The following KCNQ1 variants were observed in gnomAD, a reference collection of about 807,000 sequenced individuals.
The protein encoded by KCNQ1 is potassium voltage-gated channel subfamily KQT member 1.
In KCNQ1, 49 loss-of-function variants were observed where a neutral mutation model predicts 72.4. The observed-to-expected ratio is 0.68, with a 90% CI of 0.54 to 0.86. The LOEUF (loss-of-function observed/expected upper bound fraction) is 0.86, where lower values mean the gene tolerates loss of function less well. Among genes scored for constraint, KCNQ1 ranks in the 40% least tolerant of loss-of-function variants. KCNQ1 has a pLI of 0.00. For synonymous variants in KCNQ1, 450 were observed against 412.6 expected (o/e 1.09, Z -1.10); for missense variants, 790 against 945.1 (o/e 0.84, Z 2.15).
intron 10 of KCNQ1, chr11:2,636,392 G>T (rs935228178): frequency 6.6e-6 from 1 of 152,050 alleles, no homozygotes; most frequent in African/African-American, 2.4e-5. Context: ...TTTTTAGCAT[G>T]AAGGGCTGTT....
chr11:2,615,506 T>C, intron 10 of KCNQ1: 1 of 398,080 alleles, frequency 2.5e-6, no homozygotes, highest in East Asian at 3.6e-5. Context: ...TTTTTCAGTT[T>C]TTTTTCTCAT....
intron 11 of KCNQ1, chr11:2,666,378 G>T: frequency 2.5e-6 from 1 of 398,660 alleles, no homozygotes; most frequent in South Asian, 1.3e-4. Flanking sequence ...CTTGTGACAT[G>T]ACAGCTTCGC....
rs536312629 is a variant in KCNQ1 at position 2,451,643 on chromosome 11, C to T, written c.386+6159C>T. Among the ~76,000 whole-genome samples, 9 of 152,302 alleles carry T rather than the reference C, an allele frequency of 5.9e-5. No individual in the cohort carries two copies. The highest frequency in any genetic ancestry group is 2.2e-4 in the African/African-American group (9 of 41,570). On this transcript the variant is annotated intron_variant, in intron 1 of 15. Transcript: ENST00000155840. The surrounding 1 kb of genome is among the most constrained non-coding windows in gnomAD (Gnocchi z 6.4). ...GGATGAGCCGCCTGGAGTCTGTTGG[C>T]ATCTGCCTGGCCGCCTCTGGCAGGA...
In KCNQ1 at chr11:2,827,263, G is replaced by A. The variant is rs1179449562; in HGVS notation, c.1795-20504G>A. Among the ~76,000 whole-genome samples, 1 of 152,018 alleles carries A rather than the reference G, an allele frequency of 6.6e-6. No homozygotes were observed. The highest frequency in any genetic ancestry group is 1.9e-4 in the East Asian group (1 of 5,188). ...CAAATAAGAGAGAACTTTGCCACCC[G>A]CAGGGTCCCAGAGTAGCAGAAGCTT... On this transcript the variant is annotated intron_variant, in intron 15 of 15. Coordinates refer to ENST00000155840, the MANE Select transcript of KCNQ1 (RefSeq NM_000218.3). The surrounding 1 kb of genome is among the most constrained non-coding windows in gnomAD (Gnocchi z 6.7).
chr11:2,809,015 A>AAATGGAGG lies in KCNQ1; in HGVS notation c.1794+30993_1794+31000dup, dbSNP rs1203086466. ...GGGAGGGAGGGAAGGAGGGATGGATAAATGGAGGAATGGAGGAATGGATGG... is the reference window on the plus strand; with the variant it reads ...GGGAGGGAGGGAAGGAGGGATGGATAAATGGAGGAATGGAGGAATGGAGGAATGGATGG... On this transcript the variant is annotated intron_variant, in intron 15 of 15. Transcript: ENST00000155840. This position sits in a 1 kb window ranked among gnomAD's most constrained non-coding sequence, Gnocchi z 7.1. 1.3e-5 allele frequency among the ~76,000 whole-genome samples: 2 copies of AAATGGAGG among 148,852 alleles called. No homozygotes were observed. The highest frequency in any genetic ancestry group is 1.3e-4 in the Admixed American group (2 of 14,956).
At chr11:2,831,599 T>C (rs1293850231) in intron 15 of KCNQ1, among the ~76,000 whole-genome samples, 1 of 151,932 alleles carries the variant, frequency 6.6e-6, no homozygotes, top group Non-Finnish European at 1.5e-5. Flanking sequence ...GCCACAACCA[T>C]AGTGTCCCCT....
chr11:2,714,597 C>T (rs1173577311), intron 11 of KCNQ1, among the ~76,000 whole-genome samples: 7 of 152,044 alleles, frequency 4.6e-5, no homozygotes, highest in Admixed American at 1.3e-4. Flanking sequence ...GTGTGGGGGG[C>T]GAGGCCAGGC....
At position 2,818,969 on chromosome 11, in the gene KCNQ1, G is replaced by A. The variant is rs1326967769; in HGVS notation, c.1795-28798G>A. ...CCTCCAGCATTACCCAGCCCCACAGGACCCACATCCTGCTCCCAGCTCCAG... is the reference window on the plus strand; with the variant it reads ...CCTCCAGCATTACCCAGCCCCACAGAACCCACATCCTGCTCCCAGCTCCAG... On this transcript the variant is annotated intron_variant, in intron 15 of 15. Transcript: ENST00000155840. This position sits in a 1 kb window ranked among gnomAD's most constrained non-coding sequence, Gnocchi z 7.2. 6.6e-6 allele frequency among the ~76,000 whole-genome samples: 1 copy of A among 152,108 alleles called. No individual in the cohort carries two copies. Among genetic ancestry groups the A allele is most frequent in the Non-Finnish European group, 1.5e-5 (1 of 68,028 alleles).
chr11:2,577,574 C>G (rs1408071107), intron 6 of KCNQ1, among the ~76,000 whole-genome samples: 1 of 152,182 alleles, frequency 6.6e-6, no homozygotes, highest in African/African-American at 2.4e-5. Flanking sequence ...GAGGCCTGGC[C>G]CTCGTGAATT....
At position 2,575,733 on chromosome 11, in the gene KCNQ1, C is replaced by T. The variant is rs373458311; in HGVS notation, c.921+2747C>T. 3.6e-4 allele frequency among the ~76,000 whole-genome samples: 55 copies of T among 152,326 alleles called. No homozygotes were observed. In the South Asian group the frequency reaches 0.011, roughly 29 times the overall value. On this transcript the variant is annotated intron_variant, in intron 6 of 15. Coordinates refer to ENST00000155840, the MANE Select transcript of KCNQ1 (RefSeq NM_000218.3). ...GGAGGTGGCTTCCTGGAGGCCAGGC[C>T]ATTCTGATCATCATGCTGCATCTGC...
chr11:2,456,905 C>G (rs1277420673), intron 1 of KCNQ1, among the ~76,000 whole-genome samples: 1 of 142,262 alleles, frequency 7.0e-6, no homozygotes, highest in Non-Finnish European at 1.5e-5. Flanking sequence ...CGCCACTGCA[C>G]TCCAGCCTGG....
intron 15 of KCNQ1, among the ~76,000 whole-genome samples, chr11:2,812,167 A>G (rs1192948861): frequency 1.3e-5 from 2 of 152,180 alleles, no homozygotes; most frequent in African/African-American, 4.8e-5. Flanking sequence ...TGGTCCCCAC[A>G]CAAACTTTCT....
chr11:2,550,762 G>T lies in KCNQ1; in HGVS notation c.478-19866G>T, dbSNP rs566841874. ...GCACCAGGCTCAGCCCAGGACCAGA[G>T]CGCAAATAGGGCTGGAGTCCCGAGT... On this transcript the variant is annotated intron_variant, in intron 2 of 15. Transcript: ENST00000155840. This position sits in a 1 kb window ranked among gnomAD's most constrained non-coding sequence, Gnocchi z 6.0. Among the ~76,000 whole-genome samples the T allele has an allele frequency of 6.4e-4, 98 of 152,296 alleles. No homozygotes were observed. The highest frequency in any genetic ancestry group is 5.7e-4 in the Non-Finnish European group (39 of 68,014).
Position 2,528,039 on chromosome 11 carries a change from T to C in KCNQ1, c.477+21T>C, listed in dbSNP as rs1359645240. 2.5e-6 allele frequency: 4 copies of C among 1,588,146 alleles called. No homozygotes were observed. The Middle Eastern group carries it at 5.0e-4, about 198-fold the overall frequency. On this transcript the variant is annotated intron_variant, in intron 2 of 15. Transcript: ENST00000155840. ...GGATGGTACGTAGCATCTGAGGGCA[T>C]GGCTGGATGTCATGGCTGCCTTGGA...
rs1848768875 is a variant in KCNQ1, at chr11:2,599,200, A to C, written c.1393+10346A>C. Among the ~76,000 whole-genome samples, 1 of 152,190 alleles carries C rather than the reference A, an allele frequency of 6.6e-6. No individual in the cohort carries two copies. Among genetic ancestry groups the C allele is most frequent in the Admixed American group, 6.5e-5 (1 of 15,286 alleles). ...CTGATGTTCATATAATATTCAATGAAATAAAATACATGTGACATAATGAAG... is the reference window on the plus strand; with the variant it reads ...CTGATGTTCATATAATATTCAATGACATAAAATACATGTGACATAATGAAG... On this transcript the variant is annotated intron_variant, in intron 10 of 15. Transcript: ENST00000155840. The surrounding 1 kb of genome is among the most constrained non-coding windows in gnomAD (Gnocchi z 4.7).
rs954358386 is a variant in KCNQ1 at position 2,713,336 on chromosome 11, T to C, written c.1514+51255T>C. ...TGGGCTCTTCCTCTGCTGCTCGCCATAAAAACTCTCCAGTCATCTTTTCCG... is the reference window on the plus strand; with the variant it reads ...TGGGCTCTTCCTCTGCTGCTCGCCACAAAAACTCTCCAGTCATCTTTTCCG... On this transcript the variant is annotated intron_variant, in intron 11 of 15. Transcript: ENST00000155840. The surrounding 1 kb of genome is among the most constrained non-coding windows in gnomAD (Gnocchi z 5.6). Among the ~76,000 whole-genome samples, 3 of 152,224 alleles carry C rather than the reference T, an allele frequency of 2.0e-5. No homozygotes were observed. Among genetic ancestry groups the C allele is most frequent in the African/African-American group, 7.2e-5 (3 of 41,448 alleles).
At position 2,743,677 on chromosome 11, in the gene KCNQ1, G is replaced by A. The variant is rs183782922; in HGVS notation, c.1515-25167G>A. 3.3e-5 allele frequency among the ~76,000 whole-genome samples: 5 copies of A among 152,310 alleles called. No homozygotes were observed. In the East Asian group the frequency reaches 9.7e-4, roughly 29 times the overall value. ...TCCTGGAGTCTGCACAGCTACATAG[G>A]GTCAGATTCACGACCTCCCAGCTTT... On this transcript the variant is annotated intron_variant, in intron 11 of 15. Coordinates refer to ENST00000155840, the MANE Select transcript of KCNQ1 (RefSeq NM_000218.3).
chr11:2,753,527 G>A (rs905408590), intron 11 of KCNQ1, among the ~76,000 whole-genome samples: 6 of 152,196 alleles, frequency 3.9e-5, no homozygotes, highest in Non-Finnish European at 7.4e-5. Context: ...CCTCTCTCCC[G>A]AGCAAAGTAC....
chr11:2,448,046 G>A (rs1412416151), intron 1 of KCNQ1, among the ~76,000 whole-genome samples: 2 of 152,248 alleles, frequency 1.3e-5, no homozygotes, highest in African/African-American at 4.8e-5. Flanking sequence ...CCAGTTATCT[G>A]TGGTTGCTTG....
Sources: gnomAD v4.1 joint callset for allele counts (sites outside exome capture counted in the v4.1 genomes callset) on GRCh38, gnomAD v4.1.1 for gene constraint, Gnocchi (gnomAD v3.1) non-coding constraint, MANE v1.5 for transcripts, NCBI Gene and HGNC (gene_info 2026-07-23, HGNC 2026-07-21) for gene names.